The following ZNF131 variants were observed in gnomAD, a reference collection of about 807,000 sequenced individuals.
ZNF131 encodes zinc finger protein 131.
ZNF131 carries 7 observed loss-of-function variants against 60.0 expected under a neutral mutation model. The ratio of observed to expected loss-of-function variants is 0.12; its 90% CI spans 0.07 to 0.22. The LOEUF (loss-of-function observed/expected upper bound fraction) is 0.22. Among genes scored for constraint, ZNF131 ranks in the 10% least tolerant of loss-of-function variants. The pLI is 1.00. For missense variants in ZNF131, 493 were observed against 740.9 expected (o/e 0.67, Z 3.88); for synonymous variants, 257 against 253.2 (o/e 1.01, Z -0.14).
intron 4 of ZNF131, among the ~76,000 whole-genome samples, chr5:43,143,869 C>T (rs1052225347): frequency 7.3e-6 from 1 of 136,404 alleles, no homozygotes; most frequent in Non-Finnish European, 1.5e-5. Context: ...TGTGTATGGC[C>T]CTCTAGGTTC....
At chr5:43,158,233 G>C (rs1339109243) in intron 4 of ZNF131, among the ~76,000 whole-genome samples, 1 of 152,148 alleles carries the variant, frequency 6.6e-6, no homozygotes, top group African/African-American at 2.4e-5. Flanking sequence ...CTCCCAGAGT[G>C]CTGGGATTAC....
At chr5:43,141,027 GT>G (rs948628707) in intron 4 of ZNF131, among the ~76,000 whole-genome samples, 6 of 151,446 alleles carry the variant, frequency 4.0e-5, no homozygotes, top group African/African-American at 4.9e-5. Flanking sequence ...CCGAATAAAA[GT>G]TTTTTTTTAA....
At chr5:43,137,873 A>G (rs998297154) in intron 3 of ZNF131, among the ~76,000 whole-genome samples, 2 of 152,380 alleles carry the variant, frequency 1.3e-5, no homozygotes, top group Admixed American at 6.5e-5. Flanking sequence ...TATGTATCCA[A>G]TGGAATACTA....
intron 4 of ZNF131, among the ~76,000 whole-genome samples, chr5:43,156,265 G>A (rs751017347): frequency 1.3e-5 from 2 of 152,198 alleles, no homozygotes; most frequent in Non-Finnish European, 2.9e-5. Flanking sequence ...CCATGGAAAA[G>A]TGGTATGGTG....
At position 43,144,251 on chromosome 5, in the gene ZNF131, T is replaced by C. The variant is rs1232418645; in HGVS notation, c.371+4942T>C. 4.4e-4 allele frequency among the ~76,000 whole-genome samples: 55 copies of C among 126,194 alleles called. 1 individual carries two copies. In the East Asian group the frequency reaches 7.6e-3, roughly 17 times the overall value. The allele number at this position is 126,194 out of a possible 152,430, so 82.8% of individuals were successfully genotyped here. Reference sequence around the variant, plus strand: ...TTTCTTTCTTTCTTTTTTTTTTTTTTTTTTTTTTTTTTTTTTGGAGACAGA... The same window carrying C: ...TTTCTTTCTTTCTTTTTTTTTTTTTCTTTTTTTTTTTTTTTTGGAGACAGA... On this transcript the variant is annotated intron_variant, in intron 4 of 6. Transcript: ENST00000682664.
At chr5:43,173,108 A>G (rs1399934994) in intron 5 of ZNF131, 2 of 421,652 alleles carry the variant, frequency 4.7e-6, no homozygotes, top group Middle Eastern at 7.2e-4. Flanking sequence ...TTGTCAAAGC[A>G]TATATACAGT....
intron 5 of ZNF131, among the ~76,000 whole-genome samples, chr5:43,172,100 TCTCA>T (rs952600916): frequency 2.0e-4 from 31 of 152,252 alleles, no homozygotes; most frequent in African/African-American, 7.2e-4. Flanking sequence ...TTGTCATCCT[TCTCA>T]CTCACTCTTG....
At chr5:43,126,570 CT>C (rs1313052094) in intron 3 of ZNF131, among the ~76,000 whole-genome samples, 1 of 152,040 alleles carries the variant, frequency 6.6e-6, no homozygotes, top group Non-Finnish European at 1.5e-5. Context: ...TTTCGTGGTT[CT>C]TTGGTGAGAA....
At chr5:43,143,267 C>T (rs143515972) in intron 4 of ZNF131, 124,062 of 612,390 alleles carry the variant, frequency 0.2, 13,747 homozygotes, top group Middle Eastern at 0.31. Flanking sequence ...GTGATCTGCC[C>T]GCCTCTGCCT....
chr5:43,124,365 C>T (rs1358632370), intron 3 of ZNF131: 1 of 152,128 alleles, frequency 6.6e-6, no homozygotes, highest in East Asian at 1.9e-4. Flanking sequence ...GGTTTTATAT[C>T]TATTTCATTG....
At chr5:43,161,228 C>A (rs749449724) in intron 4 of ZNF131, 21 bp from the exon 5 acceptor site, 8 of 1,561,568 alleles carry the variant, frequency 5.1e-6, no homozygotes, top group Middle Eastern at 3.4e-4. Flanking sequence ...ATTTTTTAAA[C>A]CCCTACATTA....
intron 5 of ZNF131, among the ~76,000 whole-genome samples, chr5:43,167,193 C>A (rs745836920): frequency 6.6e-5 from 10 of 152,192 alleles, no homozygotes; most frequent in Non-Finnish European, 1.5e-4. Context: ...TCAAAGATCA[C>A]TGATCACAGA....
chr5:43,128,786 C>T (rs1406522368), intron 3 of ZNF131, among the ~76,000 whole-genome samples: 1 of 150,572 alleles, frequency 6.6e-6, no homozygotes, highest in Non-Finnish European at 1.5e-5. Context: ...GGGTCTTGCT[C>T]TGTCACCCAG....
At chr5:43,162,458 G>C (rs191592999) in intron 5 of ZNF131, among the ~76,000 whole-genome samples, 2 of 151,830 alleles carry the variant, frequency 1.3e-5, no homozygotes, top group African/African-American at 4.8e-5. Flanking sequence ...CAGGCGTGGT[G>C]GTGGGCACTC....
chr5:43,159,619 C>T (rs1026190320), intron 4 of ZNF131, among the ~76,000 whole-genome samples: 21 of 146,288 alleles, frequency 1.4e-4, no homozygotes, highest in Non-Finnish European at 2.5e-4. Flanking sequence ...CACTTGAACC[C>T]GGGAGGCAGA....
intron 4 of ZNF131, among the ~76,000 whole-genome samples, chr5:43,148,751 A>G (rs1747928638): frequency 6.6e-6 from 1 of 152,204 alleles, no homozygotes; most frequent in African/African-American, 2.4e-5. Flanking sequence ...TAAAACTTTA[A>G]TAAGGTATAA....
chr5:43,163,067 G>T (rs1749943182), intron 5 of ZNF131, among the ~76,000 whole-genome samples: 1 of 136,026 alleles, frequency 7.4e-6, no homozygotes, highest in Non-Finnish European at 1.5e-5. Context: ...CGCCTCCCGG[G>T]TTCAAGCGAT....
chr5:43,140,224 T>G (rs1418424740), intron 4 of ZNF131, among the ~76,000 whole-genome samples: 1 of 152,156 alleles, frequency 6.6e-6, no homozygotes, highest in Non-Finnish European at 1.5e-5. Context: ...AGACCCTGTT[T>G]TTTTAAAAAA....
chr5:43,151,034 C>CT (rs1748240506), intron 4 of ZNF131, among the ~76,000 whole-genome samples: 2 of 152,180 alleles, frequency 1.3e-5, no homozygotes, highest in Admixed American at 1.3e-4. Flanking sequence ...GGGCATTAGT[C>CT]TAAGTATAGC....
Sources: gnomAD v4.1 joint callset for allele counts (sites outside exome capture counted in the v4.1 genomes callset) on GRCh38, gnomAD v4.1.1 for gene constraint, MANE v1.5 for transcripts, NCBI Gene and HGNC (gene_info 2026-07-23, HGNC 2026-07-21) for gene names.